AHCTF1: variants seen among roughly 807,000 people sequenced by gnomAD.
AHCTF1 encodes AT-hook containing transcription factor 1, also known as protein ELYS.
In AHCTF1, 24 loss-of-function variants were observed where a neutral mutation model predicts 248.4. The ratio of observed to expected loss-of-function variants is 0.10; its 90% CI spans 0.07 to 0.14. The LOEUF (loss-of-function observed/expected upper bound fraction) is 0.14. Ranked by LOEUF, AHCTF1 falls within the 10% of genes least tolerant of loss-of-function variation. The pLI is 1.00. For missense variants in AHCTF1, 2,206 were observed against 2,636.2 expected (o/e 0.84, Z 3.57); for synonymous variants, 786 against 929.8 (o/e 0.85, Z 2.81).
chr1:246,886,834 T>C (rs988570024), intron 20 of AHCTF1, among the ~76,000 whole-genome samples: 1 of 152,204 alleles, frequency 6.6e-6, no homozygotes, highest in African/African-American at 2.4e-5. Flanking sequence ...AAAAACCTGA[T>C]ACCTCTAAGA....
chr1:246,900,599 G>T (rs1192654929), intron 8 of AHCTF1, 130 bp from the exon 9 acceptor site: 2 of 989,564 alleles, frequency 2.0e-6, no homozygotes, highest in Non-Finnish European at 2.9e-6. Context: ...TCATCAAAAC[G>T]CATTTCTATC....
intron 29 of AHCTF1, among the ~76,000 whole-genome samples, chr1:246,859,574 T>C (rs1314802923): frequency 1.3e-5 from 2 of 151,988 alleles, no homozygotes; most frequent in African/African-American, 4.8e-5. Context: ...TAAAATAATA[T>C]TTTTTTTCTT....
At chr1:246,909,079 ATATC>A (rs10657928) in intron 4 of AHCTF1, among the ~76,000 whole-genome samples, 2,133 of 143,266 alleles carry the variant, frequency 0.015, 17 homozygotes, top group Admixed American at 0.02. Flanking sequence ...ATATATATCT[ATATC>A]TATCTATCTA....
intron 35 of AHCTF1, 59 bp downstream of exon 35, chr1:246,842,635 G>A: frequency 1.4e-6 from 2 of 1,379,680 alleles, no homozygotes; most frequent in Admixed American, 1.8e-5. Context: ...AGTAGGGTGG[G>A]GACAGAGCGA....
At chr1:246,882,233 G>C (rs536654879) in intron 21 of AHCTF1, among the ~76,000 whole-genome samples, 1 of 151,456 alleles carries the variant, frequency 6.6e-6, no homozygotes, top group Admixed American at 6.6e-5. Flanking sequence ...TCCTGACCTC[G>C]TGATCCACCC....
intron 1 of AHCTF1, chr1:246,930,978 G>A (rs546666663): frequency 5.9e-6 from 7 of 1,181,406 alleles, no homozygotes; most frequent in South Asian, 1.8e-5. Context: ...AGTGGCAAAA[G>A]AAACCGTCCT....
intron 4 of AHCTF1, among the ~76,000 whole-genome samples, chr1:246,912,280 T>G (rs999429880): frequency 1.3e-4 from 20 of 151,096 alleles, no homozygotes; most frequent in African/African-American, 3.9e-4. Context: ...ATCGAGACCA[T>G]CCTGGCCAAT....
In AHCTF1 at chr1:246,839,466, T is replaced by C. The variant is rs1246611898; in HGVS notation, c.*1340A>G. The C allele has an allele frequency of 2.2e-6, 2 of 892,218 alleles. No homozygotes were observed. Among genetic ancestry groups the C allele is most frequent in the Non-Finnish European group, 2.7e-6 (2 of 745,264 alleles). The allele number at this position is 892,218 out of a possible 1,614,324, so 55.3% of individuals were successfully genotyped here. On this transcript the variant is annotated 3_prime_UTR_variant, in exon 36 of 36. Transcript: ENST00000648844. ...TAAATACAAGTTTGATAACTATCAT[T>C]AAAAAAGTAATAAAATCAAAGTCAG...
chr1:246,867,917 A>G, intron 24 of AHCTF1, 106 bp from the exon 25 acceptor site: 1 of 463,756 alleles, frequency 2.2e-6, no homozygotes. Context: ...ACACACACAC[A>G]CACATTACGT....
intron 19 of AHCTF1, among the ~76,000 whole-genome samples, chr1:246,887,696 ACAT>A (rs765236917): frequency 1.2e-4 from 19 of 152,242 alleles, no homozygotes; most frequent in South Asian, 2.1e-4. Context: ...GCTTAATCAA[ACAT>A]CATCTAGCTT....
At position 246,931,034 on chromosome 1, in the gene AHCTF1, TTTTATTTTA is replaced by T. The variant is rs1667313450; in HGVS notation, c.-8+535_-8+543del. On this transcript the variant is annotated intron_variant, in intron 1 of 35. Coordinates refer to ENST00000648844, the MANE Select transcript of AHCTF1 (RefSeq NM_001323342.2). Reference sequence around the variant, plus strand: ...GAAGGCAAAGCACCCCAAGATGTGCTTTTATTTTAAATCTCCTTGATCTGACCAATCGGG... The same window carrying T: ...GAAGGCAAAGCACCCCAAGATGTGCTAATCTCCTTGATCTGACCAATCGGG... 14 of 1,463,034 alleles carry T rather than the reference TTTTATTTTA, an allele frequency of 9.6e-6. 1 individual carries two copies. In the Middle Eastern group the frequency reaches 5.3e-4, roughly 56 times the overall value. The allele number at this position is 1,463,034 out of a possible 1,614,324, so 90.6% of individuals were successfully genotyped here.
At chr1:246,910,660 A>G (rs1665737286) in intron 4 of AHCTF1, among the ~76,000 whole-genome samples, 1 of 152,206 alleles carries the variant, frequency 6.6e-6, no homozygotes, top group African/African-American at 2.4e-5. Context: ...CTCATATATT[A>G]ATATAACCAC....
intron 12 of AHCTF1, among the ~76,000 whole-genome samples, chr1:246,897,564 G>C (rs1300265363): frequency 6.6e-6 from 1 of 152,124 alleles, no homozygotes; most frequent in Non-Finnish European, 1.5e-5. Context: ...TACATATCAA[G>C]GCTATGTATA....
At chr1:246,865,563 T>C (rs1661914750) in intron 26 of AHCTF1, among the ~76,000 whole-genome samples, 1 of 152,224 alleles carries the variant, frequency 6.6e-6, no homozygotes, top group African/African-American at 2.4e-5. Flanking sequence ...GATCCAAACT[T>C]GGAAAACAGT....
At position 246,888,445 on chromosome 1, in the gene AHCTF1, C is replaced by G; in HGVS notation, c.2217G>C (p.Leu739Phe). 1 of 1,613,344 alleles carries G rather than the reference C, an allele frequency of 6.2e-7. No individual in the cohort carries two copies. The highest frequency in any genetic ancestry group is 8.5e-7 in the Non-Finnish European group (1 of 1,180,006). The change falls in exon 18 of 36, where the codon TTG (leucine) becomes TTC (phenylalanine). Residue 739 changes from leucine to phenylalanine, a missense_variant. Coordinates refer to ENST00000648844, the MANE Select transcript of AHCTF1 (RefSeq NM_001323342.2). ...CTGTGCCTCCTTCATCTCGTTTCCA[C>G]AACTTCTCAATTCGCTCTCCTAACT... ...VSQLGERIEK[L>F]WKRDEGGTGK...
At chr1:246,900,551 C>A in intron 8 of AHCTF1, 82 bp from the exon 9 acceptor site, 2 of 1,416,842 alleles carry the variant, frequency 1.4e-6, no homozygotes, top group South Asian at 2.7e-5. Context: ...GCAAGATTTT[C>A]TCATAAATTA....
Position 246,851,441 on chromosome 1 carries a change from A to G in AHCTF1, c.4565T>C (p.Val1522Ala), listed in dbSNP as rs751816772. Residue 1522 changes from valine (V) to alanine (A), a missense_variant and splice_region_variant, in exon 33 of 36, where the codon GTG (valine) becomes GCG (alanine). Val to Ala is a moderately conservative substitution (Grantham distance 64). Transcript: ENST00000648844. ...DSPPDTQEIH[V>A]IEQEKLEAQD... ...AGCTTCAAGCTTTTCTTGTTCAATC[A>G]CCTAAATGAATTAAAGATAAGAGAC... 1.3e-6 allele frequency: 2 copies of G among 1,596,764 alleles called. No homozygotes were observed. Among genetic ancestry groups the G allele is most frequent in the African/African-American group, 2.7e-5 (2 of 73,808 alleles).
At chr1:246,858,328 T>G (rs1188666566) in intron 29 of AHCTF1, among the ~76,000 whole-genome samples, 3 of 152,198 alleles carry the variant, frequency 2.0e-5, no homozygotes, top group Non-Finnish European at 4.4e-5. Flanking sequence ...TTTCACTTTT[T>G]GCTGAACAGG....
chr1:246,930,013 C>T (rs576565701), intron 1 of AHCTF1, among the ~76,000 whole-genome samples: 3 of 151,214 alleles, frequency 2.0e-5, no homozygotes, highest in East Asian at 3.9e-4. Flanking sequence ...GATTGTGCCA[C>T]TGCACTCCAG....
Sources: gnomAD v4.1 joint callset for allele counts (sites outside exome capture counted in the v4.1 genomes callset) on GRCh38, gnomAD v4.1.1 for gene constraint, MANE v1.5 for transcripts, NCBI Gene and HGNC (gene_info 2026-07-23, HGNC 2026-07-21) for gene names.